Variants in ATP8A2 observed in about 807,000 individuals in gnomAD.
ATP8A2 encodes phospholipid-transporting ATPase IB.
Under a neutral mutation model 165.6 loss-of-function variants are expected in ATP8A2, and 100 were observed. The observed-to-expected ratio is 0.60, with a 90% CI of 0.51 to 0.71. The LOEUF is 0.71. Ranked by LOEUF, ATP8A2 falls within the 30% of genes least tolerant of loss-of-function variation. ATP8A2 has a pLI of 0.00. For synonymous variants in ATP8A2, 543 were observed against 548.8 expected (o/e 0.99, Z 0.15); for missense variants, 1,227 against 1,479.5 (o/e 0.83, Z 2.80).
intron 25 of ATP8A2, among the ~76,000 whole-genome samples, chr13:25,751,287 T>TTG (rs2044148522): frequency 6.6e-6 from 1 of 152,214 alleles, no homozygotes. Context: ...TGGCAACATC[T>TTG]TGTTTTCTAG....
intron 27 of ATP8A2, among the ~76,000 whole-genome samples, chr13:25,819,968 ATT>A (rs1488128234): frequency 2.6e-5 from 4 of 152,182 alleles, no homozygotes; most frequent in Admixed American, 2.6e-4. Context: ...AATTTACCTC[ATT>A]ATTCTCCATA....
chr13:25,659,633 C>T (rs1207753162), intron 24 of ATP8A2, among the ~76,000 whole-genome samples: 1 of 152,118 alleles, frequency 6.6e-6, no homozygotes, highest in Non-Finnish European at 1.5e-5. Context: ...GAGAGAAAAG[C>T]GTTCGTAGTC....
intron 24 of ATP8A2, among the ~76,000 whole-genome samples, chr13:25,682,220 G>A (rs1356746654): frequency 6.6e-6 from 1 of 152,048 alleles, no homozygotes; most frequent in Admixed American, 6.5e-5. Flanking sequence ...GCACTCCATT[G>A]CCATGGCCCA....
At chr13:25,421,307 G>A (rs2034291787) in intron 1 of ATP8A2, among the ~76,000 whole-genome samples, 1 of 152,008 alleles carries the variant, frequency 6.6e-6, no homozygotes, top group African/African-American at 2.4e-5. Context: ...ATTTTTAAAC[G>A]TGTTTCTCTA....
At chr13:25,845,523 C>T (rs914269547) in intron 30 of ATP8A2, among the ~76,000 whole-genome samples, 5 of 152,160 alleles carry the variant, frequency 3.3e-5, no homozygotes, top group Admixed American at 6.5e-5. Context: ...GAATACCATA[C>T]GGATTCTTAT....
intron 35 of ATP8A2, 49 bp from the exon 36 acceptor site, chr13:26,012,482 A>G (rs1956869572): frequency 1.4e-6 from 2 of 1,450,560 alleles, no homozygotes; most frequent in Non-Finnish European, 1.9e-6. Context: ...TCCTTGTGCA[A>G]CCCGAGTGTT....
At chr13:25,714,105 C>G (rs1484114146) in intron 25 of ATP8A2, among the ~76,000 whole-genome samples, 1 of 151,278 alleles carries the variant, frequency 6.6e-6, no homozygotes, top group Non-Finnish European at 1.5e-5. Flanking sequence ...GAAGCTGTAT[C>G]CCTCTGCTAA....
chr13:25,986,056 CT>C (rs574627496), intron 35 of ATP8A2, among the ~76,000 whole-genome samples: 3 of 151,652 alleles, frequency 2.0e-5, no homozygotes, highest in Non-Finnish European at 2.9e-5. Context: ...GACTGTCATT[CT>C]TTTTTTTTCT....
chr13:25,983,628 G>C (rs958598752), intron 35 of ATP8A2, among the ~76,000 whole-genome samples: 1 of 152,152 alleles, frequency 6.6e-6, no homozygotes, highest in African/African-American at 2.4e-5. Flanking sequence ...TAGGGTTTCT[G>C]AGAACTTTCC....
At chr13:25,677,321 T>C (rs1210192405) in intron 24 of ATP8A2, among the ~76,000 whole-genome samples, 4 of 152,254 alleles carry the variant, frequency 2.6e-5, no homozygotes, top group African/African-American at 9.6e-5. Context: ...GAAAGTTTTA[T>C]TGGACAACAT....
At chr13:25,734,796 ACCTGG>A (rs377723714) in intron 25 of ATP8A2, among the ~76,000 whole-genome samples, 240 of 152,140 alleles carry the variant, frequency 1.6e-3, no homozygotes, top group African/African-American at 5.4e-3. Context: ...ACATCACCAC[ACCTGG>A]CTAATTTTTA....
At chr13:25,577,866 G>A (rs1479108601) in intron 20 of ATP8A2, among the ~76,000 whole-genome samples, 1 of 152,176 alleles carries the variant, frequency 6.6e-6, no homozygotes, top group Non-Finnish European at 1.5e-5. Context: ...ATCTTTACCA[G>A]TTGTGGCAAG....
intron 33 of ATP8A2, among the ~76,000 whole-genome samples, chr13:25,903,255 A>G (rs1230645380): frequency 1.3e-5 from 2 of 152,026 alleles, no homozygotes; most frequent in Admixed American, 6.6e-5. Flanking sequence ...CCATACGCAA[A>G]CAGCCCCCAG....
chr13:25,576,032 T>C (rs2039609086), intron 19 of ATP8A2, among the ~76,000 whole-genome samples: 1 of 152,194 alleles, frequency 6.6e-6, no homozygotes, highest in Non-Finnish European at 1.5e-5. Flanking sequence ...CATGGACTCA[T>C]CTCTTTCCCA....
intron 33 of ATP8A2, among the ~76,000 whole-genome samples, chr13:25,901,705 AG>A (rs1003790602): frequency 6.6e-6 from 1 of 152,236 alleles, no homozygotes; most frequent in Non-Finnish European, 1.5e-5. Flanking sequence ...TGAATGGCTG[AG>A]GTTTCAAAGT....
chr13:25,902,760 C>T (rs931575856), intron 33 of ATP8A2, among the ~76,000 whole-genome samples: 9 of 152,054 alleles, frequency 5.9e-5, no homozygotes, highest in Admixed American at 5.9e-4. Context: ...GCTTTCAACC[C>T]GTCTTATAGT....
chr13:25,854,816 G>A (rs1320724990), intron 30 of ATP8A2, among the ~76,000 whole-genome samples: 2 of 152,084 alleles, frequency 1.3e-5, no homozygotes, highest in African/African-American at 4.8e-5. Context: ...CAGCTTTATT[G>A]GGCTATAACT....
chr13:25,644,218 G>A (rs1039263886), intron 24 of ATP8A2, among the ~76,000 whole-genome samples: 3 of 152,052 alleles, frequency 2.0e-5, no homozygotes, highest in African/African-American at 7.2e-5. Context: ...CAATTTGGAT[G>A]CCTTTTATTT....
intron 23 of ATP8A2, 57 bp from the exon 24 acceptor site, chr13:25,589,578 T>G: frequency 7.4e-7 from 1 of 1,354,412 alleles, no homozygotes; most frequent in Non-Finnish European, 1.1e-6. Flanking sequence ...GAGGTTGAAT[T>G]TAAGGAGCTC....
Sources: gnomAD v4.1 joint callset for allele counts (sites outside exome capture counted in the v4.1 genomes callset) on GRCh38, gnomAD v4.1.1 for gene constraint, MANE v1.5 for transcripts, NCBI Gene and HGNC (gene_info 2026-07-23, HGNC 2026-07-21) for gene names.